Variants in PATJ observed in about 807,000 individuals in gnomAD.
PATJ encodes inaD-like protein.
Under a neutral mutation model 224.9 loss-of-function variants are expected in PATJ, and 190 were observed. The observed-to-expected ratio is 0.84, with a 90% CI of 0.75 to 0.95. The LOEUF is 0.95. Ranked by LOEUF, PATJ falls within the 40% of genes least tolerant of loss-of-function variation. The pLI is 0.00. For synonymous variants in PATJ, 769 were observed against 820.3 expected (o/e 0.94, Z 1.07); for missense variants, 2,121 against 2,270.3 (o/e 0.93, Z 1.34).
At chr1:62,000,193 G>GT (rs776217887) in intron 28 of PATJ, among the ~76,000 whole-genome samples, 32,722 of 147,736 alleles carry the variant, frequency 0.22, 3,900 homozygotes, top group East Asian at 0.44. Context: ...CCAGCCTAGA[G>GT]TTTTTTGTTT....
chr1:62,072,283 G>A (rs751001479), intron 31 of PATJ, among the ~76,000 whole-genome samples: 5 of 152,092 alleles, frequency 3.3e-5, no homozygotes, highest in Middle Eastern at 3.4e-3. Context: ...TTCTGTAGCC[G>A]TGGTTTTTTT....
At chr1:61,796,236 G>C (rs1180601757) in intron 10 of PATJ, among the ~76,000 whole-genome samples, 3 of 152,180 alleles carry the variant, frequency 2.0e-5, no homozygotes, top group Non-Finnish European at 4.4e-5. Context: ...CTTACAGCTA[G>C]CTCAAAGAAG....
intron 28 of PATJ, among the ~76,000 whole-genome samples, chr1:62,000,830 C>A (rs1645719976): frequency 6.6e-6 from 1 of 151,230 alleles, no homozygotes; most frequent in South Asian, 2.1e-4. Context: ...TAAAAGTGTT[C>A]CTATTTCTCC....
At chr1:62,146,537 A>G (rs1249053430) in intron 41 of PATJ, among the ~76,000 whole-genome samples, 1 of 152,304 alleles carries the variant, frequency 6.6e-6, no homozygotes. Context: ...GCACTCTGGG[A>G]GGCCGAGGCA....
chr1:61,896,584 C>T lies in PATJ; in HGVS notation c.3132-2999C>T, dbSNP rs937241382. On this transcript the variant is annotated intron_variant, in intron 22 of 43. Transcript: ENST00000642238. Reference sequence around the variant, plus strand: ...GGAGACTGTTGGGATGGCATGATTGCTTATAAAATGTGAAAAGTACATGAG... The same window carrying T: ...GGAGACTGTTGGGATGGCATGATTGTTTATAAAATGTGAAAAGTACATGAG... 2.6e-5 allele frequency among the ~76,000 whole-genome samples: 4 copies of T among 151,938 alleles called. No individual in the cohort carries two copies. The South Asian group carries it at 8.3e-4, about 32-fold the overall frequency.
At chr1:61,946,356 G>T (rs1460114508) in intron 27 of PATJ, among the ~76,000 whole-genome samples, 2 of 151,694 alleles carry the variant, frequency 1.3e-5, no homozygotes, top group Non-Finnish European at 2.9e-5. Context: ...AAGAATCAAA[G>T]AGATGCAATA....
At chr1:61,996,173 TG>T (rs1196454482) in intron 28 of PATJ, among the ~76,000 whole-genome samples, 2 of 152,196 alleles carry the variant, frequency 1.3e-5, no homozygotes, top group Admixed American at 6.5e-5. Context: ...AGCATGAATG[TG>T]TCCCATATTT....
At chr1:61,912,523 C>CA (rs1341764814) in intron 25 of PATJ, among the ~76,000 whole-genome samples, 1 of 151,606 alleles carries the variant, frequency 6.6e-6, no homozygotes, top group Non-Finnish European at 1.5e-5. Context: ...ACCTGGGAGA[C>CA]ACAGGTTGCA....
intron 37 of PATJ, among the ~76,000 whole-genome samples, chr1:62,119,107 C>G (rs1199990146): frequency 1.3e-5 from 2 of 151,968 alleles, no homozygotes; most frequent in Non-Finnish European, 2.9e-5. Flanking sequence ...CCCTAATCTT[C>G]TTACACAGAA....
chr1:62,070,186 C>T (rs1393198791), intron 31 of PATJ, among the ~76,000 whole-genome samples: 2 of 152,208 alleles, frequency 1.3e-5, no homozygotes, highest in Non-Finnish European at 2.9e-5. Flanking sequence ...TTTTGCTCCT[C>T]CTAAGGCCAT....
chr1:61,978,967 G>A lies in PATJ; in HGVS notation c.3671-11201G>A, dbSNP rs143766450. Among the ~76,000 whole-genome samples, 319 of 152,182 alleles carry A rather than the reference G, an allele frequency of 2.1e-3. 3 individuals carry two copies. Among genetic ancestry groups the A allele is most frequent in the African/African-American group, 7.4e-3 (305 of 41,446 alleles). On this transcript the variant is annotated intron_variant, in intron 27 of 43. Coordinates refer to ENST00000642238, the MANE Select transcript of PATJ (RefSeq NM_001350145.3). ...TAGGAAAACATACTGTGACAATGGAGAAATGTTATTGACTTTCTTGAACAA... is the reference window on the plus strand; with the variant it reads ...TAGGAAAACATACTGTGACAATGGAAAAATGTTATTGACTTTCTTGAACAA...
chr1:61,774,933 G>C (rs1301646382), intron 6 of PATJ, among the ~76,000 whole-genome samples: 1 of 152,130 alleles, frequency 6.6e-6, no homozygotes, highest in African/African-American at 2.4e-5. Flanking sequence ...TGTTTCCTGT[G>C]CTCTTAGGGC....
At chr1:62,038,101 C>A in intron 30 of PATJ, 52 bp downstream of exon 30, 6 of 1,093,168 alleles carry the variant, frequency 5.5e-6, no homozygotes, top group East Asian at 5.2e-5. Flanking sequence ...TTGTCATGAG[C>A]ATTTTCCCCC....
rs1323882267 is a variant in PATJ, at chr1:61,775,322, A to AT, written c.839dup (p.Leu280PhefsTer28). On this transcript the variant is annotated frameshift_variant, in exon 7 of 44. Transcript: ENST00000642238. LOFTEE classifies it high-confidence loss of function. The stretch of plus-strand genomic sequence containing the variant: ...TTGTGAGGACTATAGTTCCTGGAGG[A>AT]TTAGCAGATCGAGTAAGTCAACCTT... 6.2e-7 allele frequency: 1 copy of AT among 1,609,864 alleles called. No individual in the cohort carries two copies. Among genetic ancestry groups the AT allele is most frequent in the Non-Finnish European group, 8.5e-7 (1 of 1,178,784 alleles).
At chr1:61,752,053 G>A (rs747382091) in intron 1 of PATJ, among the ~76,000 whole-genome samples, 4 of 149,378 alleles carry the variant, frequency 2.7e-5, no homozygotes, top group Non-Finnish European at 5.9e-5. Flanking sequence ...CAGGAGAATC[G>A]CCTGAACCCG....
At chr1:61,836,773 G>A (rs1364135546) in intron 17 of PATJ, among the ~76,000 whole-genome samples, 1 of 152,216 alleles carries the variant, frequency 6.6e-6, no homozygotes, top group Non-Finnish European at 1.5e-5. Flanking sequence ...CAAAAGCCAT[G>A]AAAGGCCACG....
At chr1:61,754,998 A>C (rs978022324) in intron 1 of PATJ, among the ~76,000 whole-genome samples, 2 of 152,092 alleles carry the variant, frequency 1.3e-5, no homozygotes, top group East Asian at 1.9e-4. Context: ...AAGATGATCC[A>C]TTAAGAGGTT....
intron 26 of PATJ, among the ~76,000 whole-genome samples, chr1:61,915,125 T>A (rs1673270130): frequency 6.6e-6 from 1 of 152,252 alleles, no homozygotes; most frequent in African/African-American, 2.4e-5. Flanking sequence ...TTTGCCCACC[T>A]CTATTAAAGT....
chr1:62,005,751 A>G (rs1170030672), intron 28 of PATJ, among the ~76,000 whole-genome samples: 1 of 152,098 alleles, frequency 6.6e-6, no homozygotes, highest in Admixed American at 6.6e-5. Flanking sequence ...GGACAACAGA[A>G]CAAGACCCTG....
Sources: allele counts gnomAD v4.1 joint callset (sites outside exome capture counted in the v4.1 genomes callset), GRCh38; gene constraint gnomAD v4.1.1; transcripts MANE v1.5; gene names NCBI Gene and HGNC (gene_info 2026-07-23, HGNC 2026-07-21).